JMJD1C: variants seen among roughly 807,000 people sequenced by gnomAD.
JMJD1C encodes the protein jumonji domain containing 1C.
JMJD1C carries 31 observed loss-of-function variants against 245.3 expected under a neutral mutation model. That is an observed-to-expected ratio of 0.13 (90% CI 0.09 to 0.17). JMJD1C has a LOEUF of 0.17. JMJD1C is among the 10% of genes least tolerant of loss of function. The pLI, the probability that JMJD1C is intolerant of heterozygous loss-of-function variation, is 1.00. For synonymous variants in JMJD1C, 1,057 were observed against 1,017.4 expected (o/e 1.04, Z -0.74); for missense variants, 2,691 against 3,000.2 (o/e 0.90, Z 2.41).
chr10:63,504,857 A>C (rs182786364), intron 1 of JMJD1C, among the ~76,000 whole-genome samples: 1 of 152,294 alleles, frequency 6.6e-6, no homozygotes, highest in Non-Finnish European at 1.5e-5. Flanking sequence ...CTCTACAAAA[A>C]ATAAAAATAA....
intron 2 of JMJD1C, among the ~76,000 whole-genome samples, chr10:63,323,475 G>A (rs1298848801): frequency 3.9e-5 from 6 of 152,044 alleles, no homozygotes; most frequent in Non-Finnish European, 5.9e-5. Context: ...AGCCAAGATC[G>A]CGCCACTGTA....
At chr10:63,223,160 A>T in intron 3 of JMJD1C, 1 of 579,112 alleles carries the variant, frequency 1.7e-6, no homozygotes, top group Non-Finnish European at 3.1e-6. Flanking sequence ...ACAAACAAAA[A>T]CTTCCATACA....
At chr10:63,363,812 G>T (rs577941908) in intron 2 of JMJD1C, among the ~76,000 whole-genome samples, 2 of 151,078 alleles carry the variant, frequency 1.3e-5, no homozygotes, top group East Asian at 2.0e-4. Flanking sequence ...AGCCTCTCCC[G>T]GGTAGCTGGG....
intron 1 of JMJD1C, among the ~76,000 whole-genome samples, chr10:63,407,614 T>C (rs1356479981): frequency 6.6e-6 from 1 of 152,040 alleles, no homozygotes; most frequent in African/African-American, 2.4e-5. Flanking sequence ...CTGAAAGAAT[T>C]GTCAGGAATT....
chr10:63,418,672 G>T (rs932241967), intron 1 of JMJD1C, among the ~76,000 whole-genome samples: 4 of 152,054 alleles, frequency 2.6e-5, no homozygotes, highest in African/African-American at 9.7e-5. Flanking sequence ...AATTTAAAAG[G>T]CCACCCTACT....
intron 1 of JMJD1C, among the ~76,000 whole-genome samples, chr10:63,418,318 G>T (rs1232556538): frequency 6.6e-6 from 1 of 152,092 alleles, no homozygotes; most frequent in African/African-American, 2.4e-5. Context: ...CTTATAAAAT[G>T]CATCCTGACA....
At chr10:63,454,593 G>C (rs1163456851) in intron 1 of JMJD1C, among the ~76,000 whole-genome samples, 1 of 152,060 alleles carries the variant, frequency 6.6e-6, no homozygotes, top group Non-Finnish European at 1.5e-5. Context: ...ACCACACCCA[G>C]TTAATTTTTG....
chr10:63,389,444 CTTTT>C (rs374747144), intron 1 of JMJD1C, among the ~76,000 whole-genome samples: 4 of 139,910 alleles, frequency 2.9e-5, no homozygotes, highest in African/African-American at 1.0e-4. Flanking sequence ...TTTTGTTTTT[CTTTT>C]TTTTTTCCTT....
intron 1 of JMJD1C, among the ~76,000 whole-genome samples, chr10:63,476,353 C>T (rs551359767): frequency 5.9e-5 from 9 of 151,912 alleles, no homozygotes; most frequent in East Asian, 5.8e-4. Context: ...CAACCCTCCA[C>T]GCTAACACCT....
chr10:63,325,886 C>A (rs2134135158), intron 2 of JMJD1C, among the ~76,000 whole-genome samples: 1 of 152,198 alleles, frequency 6.6e-6, no homozygotes, highest in African/African-American at 2.4e-5. Flanking sequence ...TGTCTTAATG[C>A]ATATATTCTA....
At chr10:63,465,347 T>C in intron 1 of JMJD1C, 148 bp downstream of exon 1, 2 of 802,586 alleles carry the variant, frequency 2.5e-6, no homozygotes, top group Non-Finnish European at 3.8e-6. Context: ...AGGCAAGGGA[T>C]GCGGGCAAAC....
chr10:63,506,002 C>T (rs887840345), intron 1 of JMJD1C, among the ~76,000 whole-genome samples: 2 of 152,250 alleles, frequency 1.3e-5, no homozygotes, highest in Middle Eastern at 3.4e-3. Context: ...ACATTCTCAA[C>T]AATACAGCAG....
chr10:63,358,602 T>C (rs905306693), intron 2 of JMJD1C: 2 of 152,050 alleles, frequency 1.3e-5, no homozygotes, highest in Non-Finnish European at 2.9e-5. Flanking sequence ...AACTCAGTAA[T>C]ATGGTTTTTA....
In JMJD1C at chr10:63,220,952, C is replaced by CA. The variant is rs1410715329; in HGVS notation, c.448-970dup. Among the ~76,000 whole-genome samples the CA allele has an allele frequency of 4.6e-5, 7 of 151,972 alleles. 1 individual carries two copies. The highest frequency in any genetic ancestry group is 1.4e-4 in the African/African-American group (6 of 41,446). ...TGAAACCCCATCTCTACTAAAAATACAAAAAAATATTAGCTGGGTGTGGTG... is the reference window on the plus strand; with the variant it reads ...TGAAACCCCATCTCTACTAAAAATACAAAAAAAATATTAGCTGGGTGTGGTG... On this transcript the variant is annotated intron_variant, in intron 3 of 25. Transcript: ENST00000399262.
At chr10:63,473,778 C>T (rs1223744209) in intron 1 of JMJD1C, among the ~76,000 whole-genome samples, 2 of 151,920 alleles carry the variant, frequency 1.3e-5, no homozygotes, top group African/African-American at 4.8e-5. Context: ...CACAGTGGCT[C>T]ACACCTGTAA....
At chr10:63,185,438 A>T (rs1844019247) in intron 20 of JMJD1C, 125 bp downstream of exon 20, 1 of 691,714 alleles carries the variant, frequency 1.4e-6, no homozygotes, top group South Asian at 1.6e-5. Flanking sequence ...CTCAGCCTCA[A>T]GTTATTTATT....
chr10:63,428,102 A>T (rs1252720962), intron 1 of JMJD1C, among the ~76,000 whole-genome samples: 1 of 152,190 alleles, frequency 6.6e-6, no homozygotes, highest in Non-Finnish European at 1.5e-5. Flanking sequence ...CAATTACTTT[A>T]CCAAACATCA....
At chr10:63,258,771 C>CTTA (rs1854312340) in intron 3 of JMJD1C, among the ~76,000 whole-genome samples, 1 of 152,106 alleles carries the variant, frequency 6.6e-6, no homozygotes, top group African/African-American at 2.4e-5. Context: ...TATGTCAGTT[C>CTTA]TTATCATAGA....
At chr10:63,429,873 T>C (rs915164933) in intron 1 of JMJD1C, among the ~76,000 whole-genome samples, 5 of 152,186 alleles carry the variant, frequency 3.3e-5, no homozygotes, top group South Asian at 2.1e-4. Flanking sequence ...ACACCATCCA[T>C]ATATATTCAA....
Sources: allele counts gnomAD v4.1 joint callset (sites outside exome capture counted in the v4.1 genomes callset), GRCh38; gene constraint gnomAD v4.1.1; transcripts MANE v1.5; gene names NCBI Gene and HGNC (gene_info 2026-07-23, HGNC 2026-07-21).